FMNL3: variants seen among roughly 807,000 people sequenced by gnomAD.
The protein encoded by FMNL3 is formin like 3, also known as formin-like protein 3.
FMNL3 carries 57 observed loss-of-function variants against 119.6 expected under a neutral mutation model. That is an observed-to-expected ratio of 0.48 (90% CI 0.39 to 0.59). The LOEUF (loss-of-function observed/expected upper bound fraction) is 0.59. FMNL3 is among the 20% of genes least tolerant of loss of function. The probability of loss-of-function intolerance (pLI) is 0.00; values close to 1 mark genes in which losing one functional copy is unlikely to be tolerated. For synonymous variants in FMNL3, 491 were observed against 507.3 expected, an observed-to-expected ratio of 0.97 and a Z score of 0.43; for missense variants, 1,053 against 1,323.5, an observed-to-expected ratio of 0.80 and a Z score of 3.17.
chr12:49,672,150 GTCTC>G (rs147317043), intron 1 of FMNL3, among the ~76,000 whole-genome samples: 1 of 151,664 alleles, frequency 6.6e-6, no homozygotes. Context: ...CTTCTAGGCT[GTCTC>G]TCTCTCTCTG....
intron 6 of FMNL3, 108 bp downstream of exon 6, chr12:49,658,334 G>A: frequency 7.0e-7 from 1 of 1,432,514 alleles, no homozygotes. Context: ...AGAGAGCTGA[G>A]CCTGGAAGCA....
chr12:49,679,323 G>A (rs1019461358), intron 1 of FMNL3, among the ~76,000 whole-genome samples: 5 of 151,954 alleles, frequency 3.3e-5, no homozygotes, highest in Admixed American at 1.3e-4. Flanking sequence ...ACAATGAATC[G>A]TATTAGCCCT....
rs745362398 is a variant in FMNL3 at position 49,644,202 on chromosome 12, C to T, written c.*1613G>A. On this transcript the variant is annotated 3_prime_UTR_variant, in exon 26 of 26. Transcript: ENST00000335154. Reference sequence around the variant, plus strand: ...GGATGATCACCAGTGACCCAATGAGCTGTTCTCTGCCTCGGGTCTGTGTGA... The same window carrying T: ...GGATGATCACCAGTGACCCAATGAGTTGTTCTCTGCCTCGGGTCTGTGTGA... The T allele has an allele frequency of 6.2e-7, 1 of 1,613,964 alleles. No individual in the cohort carries two copies. Among genetic ancestry groups the T allele is most frequent in the South Asian group, 1.1e-5 (1 of 91,088 alleles).
At position 49,707,091 on chromosome 12, in the gene FMNL3, C is replaced by T. The variant is rs1368968299; in HGVS notation, c.90G>A (p.Glu30=). ...CGAACCTTTCCTCCAGCTCACAGGG[C>T]TCAGGCATCGGCATCTTGCCGGGCG... ...LLPPGKMPMP[E]PCELEERFAL... is the part of the protein sequence containing the mutation. The change falls in exon 1 of 26, where the codon GAG becomes GAA. Residue 30 remains glutamate (E), a synonymous_variant. Transcript: ENST00000335154. The T allele has an allele frequency of 1.3e-6, 2 of 1,599,588 alleles. No individual in the cohort carries two copies. Among genetic ancestry groups the T allele is most frequent in the Non-Finnish European group, 8.5e-7 (1 of 1,174,446 alleles).
Position 49,644,579 on chromosome 12 carries a change from T to A in FMNL3, c.*1236A>T. The stretch of plus-strand genomic sequence containing the variant: ...TGCCTGCTCCTGCCTGCCCTGGCCC[T>A]GAGGCTCCACCACTTCTTCCTCCAC... On this transcript the variant is annotated 3_prime_UTR_variant, in exon 26 of 26. Transcript: ENST00000335154. 4.1e-6 allele frequency: 1 copy of A among 242,916 alleles called. No individual in the cohort carries two copies. Among genetic ancestry groups the A allele is most frequent in the African/African-American group, 2.2e-5 (1 of 45,096 alleles). 15.0% of individuals were successfully genotyped at this position (242,916 alleles called of 1,614,324 possible).
At chr12:49,691,864 A>ATTG (rs1483010139) in intron 1 of FMNL3, among the ~76,000 whole-genome samples, 26 of 151,780 alleles carry the variant, frequency 1.7e-4, no homozygotes, top group Non-Finnish European at 3.8e-4. Flanking sequence ...TGAAACCCCC[A>ATTG]TCTCTACTAA....
Position 49,652,081 on chromosome 12 carries a change from G to T in FMNL3, c.1455C>A (p.Ala485=). 6.2e-7 allele frequency: 1 copy of T among 1,612,758 alleles called. No homozygotes were observed. Among genetic ancestry groups the T allele is most frequent in the Non-Finnish European group, 8.5e-7 (1 of 1,179,494 alleles). The change falls in exon 14 of 26, where the codon GCC becomes GCA. Residue 485 remains alanine, a synonymous_variant. Coordinates refer to ENST00000335154, the MANE Select transcript of FMNL3 (RefSeq NM_175736.5). ...GCTCTGCAGGGCCTACTCTGGCCAG[G>T]GCCTCACTGTCCACAGACTCCAGGC... ...VRGLESVDSE[A]LARVGPAELS... is the part of the protein sequence containing the mutation.
intron 1 of FMNL3, among the ~76,000 whole-genome samples, chr12:49,697,776 G>A (rs1250293536): frequency 2.6e-5 from 4 of 152,020 alleles, no homozygotes; most frequent in Admixed American, 2.0e-4. Context: ...AAAACCTGTA[G>A]GATAGGTATT....
At chr12:49,662,972 A>G (rs969796899) in intron 4 of FMNL3, among the ~76,000 whole-genome samples, 30 of 152,280 alleles carry the variant, frequency 2.0e-4, no homozygotes, top group African/African-American at 7.0e-4. Flanking sequence ...CTCCTCCCAA[A>G]CTGCCCTGCG....
In FMNL3 at chr12:49,642,513, C is replaced by T. The variant is rs1942808268; in HGVS notation, c.*3302G>A. ...TTCTCTGCCCCAGCCCTGCCCTGTG[C>T]TCATGGCGGTGTCCAGGCCAGGCTG... On this transcript the variant is annotated 3_prime_UTR_variant, in exon 26 of 26. Coordinates refer to ENST00000335154, the MANE Select transcript of FMNL3 (RefSeq NM_175736.5). This position sits in a 1 kb window ranked among gnomAD's most constrained non-coding sequence, Gnocchi z 5.8. 6.3e-7 allele frequency: 1 copy of T among 1,591,066 alleles called. No homozygotes were observed. Among genetic ancestry groups the T allele is most frequent in the Non-Finnish European group, 8.6e-7 (1 of 1,160,392 alleles).
At chr12:49,697,721 G>A (rs978335701) in intron 1 of FMNL3, among the ~76,000 whole-genome samples, 1 of 152,132 alleles carries the variant, frequency 6.6e-6, no homozygotes, top group Non-Finnish European at 1.5e-5. Context: ...CACCTTTATA[G>A]GTTACAAAGT....
intron 1 of FMNL3, among the ~76,000 whole-genome samples, chr12:49,676,502 T>C (rs1278208182): frequency 6.7e-6 from 1 of 149,558 alleles, no homozygotes; most frequent in African/African-American, 2.5e-5. Context: ...TTAGCACAAA[T>C]TGAATGTTTC....
intron 6 of FMNL3, 93 bp downstream of exon 6, chr12:49,658,349 T>A: frequency 7.0e-7 from 1 of 1,427,530 alleles, no homozygotes; most frequent in African/African-American, 1.5e-5. Context: ...GAAGCAAGAG[T>A]GGAGGGAGGA....
Position 49,653,207 on chromosome 12 carries a change from T to C in FMNL3, c.1323+19A>G, listed in dbSNP as rs1197903119. 6.2e-7 allele frequency: 1 copy of C among 1,611,520 alleles called. No individual in the cohort carries two copies. The highest frequency in any genetic ancestry group is 8.5e-7 in the Non-Finnish European group (1 of 1,178,072). On this transcript the variant is annotated intron_variant, in intron 13 of 25. Coordinates refer to ENST00000335154, the MANE Select transcript of FMNL3 (RefSeq NM_175736.5). ...AGCCCAGGATCAGTCAGGGACTGCC[T>C]TCCCCAGAGTACTTGTACCTTGATG... is the stretch of plus-strand genomic sequence containing the variant.
At position 49,644,076 on chromosome 12, in the gene FMNL3, T is replaced by A; in HGVS notation, c.*1739A>T. The A allele has an allele frequency of 6.2e-7, 1 of 1,613,902 alleles. No individual in the cohort carries two copies. Among genetic ancestry groups the A allele is most frequent in the Non-Finnish European group, 8.5e-7 (1 of 1,179,966 alleles). ...CACGGCCCTTAGTGCAGGCTAAGGG[T>A]GAACTGTGCCTTTGCTCCAACAGAC... On this transcript the variant is annotated 3_prime_UTR_variant, in exon 26 of 26. Coordinates refer to ENST00000335154, the MANE Select transcript of FMNL3 (RefSeq NM_175736.5).
intron 1 of FMNL3, among the ~76,000 whole-genome samples, chr12:49,692,551 T>C (rs1033769249): frequency 1.1e-4 from 17 of 152,234 alleles, no homozygotes; most frequent in African/African-American, 4.1e-4. Flanking sequence ...CTTTTTTCTA[T>C]GTATTTATAT....
At chr12:49,663,974 C>A (rs571062637) in intron 4 of FMNL3, among the ~76,000 whole-genome samples, 51 of 152,242 alleles carry the variant, frequency 3.3e-4, no homozygotes, top group African/African-American at 1.2e-3. Flanking sequence ...GCAGGCCAGG[C>A]ACGGTGGCTC....
chr12:49,653,999 C>T (rs1943489644), intron 11 of FMNL3, 125 bp from the exon 12 acceptor site: 1 of 1,379,390 alleles, frequency 7.2e-7, no homozygotes, highest in East Asian at 2.5e-5. Flanking sequence ...TGCTGCAGGC[C>T]ATGTCAGATT....
rs553976305 is a variant in FMNL3 at position 49,638,232 on chromosome 12, A to C, written c.*7583T>G. The C allele has an allele frequency of 6.6e-5, 12 of 180,454 alleles. No homozygotes were observed. The highest frequency in any genetic ancestry group is 2.6e-4 in the African/African-American group (11 of 42,316). The allele number at this position is 180,454 out of a possible 1,614,324, so 11.2% of individuals were successfully genotyped here. A position where few individuals can be genotyped will look rare whatever the true frequency, so the allele number is the denominator to read the frequency against. The stretch of plus-strand genomic sequence containing the variant: ...AGCTAATTGTAAACTGGTAGCACAC[A>C]GATTGTTCTTTCTGGCCTGTACAGT... On this transcript the variant is annotated 3_prime_UTR_variant, in exon 26 of 26. Coordinates refer to ENST00000335154, the MANE Select transcript of FMNL3 (RefSeq NM_175736.5).
Sources: gnomAD v4.1 joint callset for allele counts (sites outside exome capture counted in the v4.1 genomes callset) on GRCh38, gnomAD v4.1.1 for gene constraint, Gnocchi (gnomAD v3.1) non-coding constraint, MANE v1.5 for transcripts, NCBI Gene and HGNC (gene_info 2026-07-23, HGNC 2026-07-21) for gene names.